The following DNAH5 variants were observed in gnomAD, a reference collection of about 807,000 sequenced individuals.
DNAH5 encodes dynein axonemal heavy chain 5.
Under a neutral mutation model 518.2 loss-of-function variants are expected in DNAH5, and 372 were observed. The observed-to-expected ratio is 0.72, with a 90% CI of 0.66 to 0.78. The LOEUF (loss-of-function observed/expected upper bound fraction) is 0.78, where lower values mean the gene tolerates loss of function less well. Ranked by LOEUF, DNAH5 falls within the 30% of genes least tolerant of loss-of-function variation. The pLI, the probability that DNAH5 is intolerant of heterozygous loss-of-function variation, is 0.00. For synonymous variants in DNAH5, 2,039 were observed against 2,025.9 expected (o/e 1.01, Z -0.17); for missense variants, 5,523 against 5,687.0 (o/e 0.97, Z 0.93).
chr5:13,844,998 A>G lies in DNAH5; in HGVS notation c.5115-5T>C, dbSNP rs4429853. 585,161 of 1,611,676 alleles carry G rather than the reference A, an allele frequency of 0.36. 108,496 individuals are homozygous for G. The highest frequency in any genetic ancestry group is 0.56 in the East Asian group (25,296 of 44,836). On this transcript the variant is annotated splice_polypyrimidine_tract_variant and splice_region_variant and intron_variant, in intron 31 of 78. Coordinates refer to ENST00000265104, the MANE Select transcript of DNAH5 (RefSeq NM_001369.3). ...AGTCGTTTTTTCTCCAAGTACCTAC[A>G]AGGAGAGGAAAAACATAAACCTTTA...
At chr5:13,940,647 T>C (rs1029377798) in intron 1 of DNAH5, among the ~76,000 whole-genome samples, 2 of 152,274 alleles carry the variant, frequency 1.3e-5, no homozygotes, top group Middle Eastern at 3.4e-3. Context: ...GTGATTCTAA[T>C]GTACAGCCCA....
In DNAH5 at chr5:13,777,255, T is replaced by A. The variant is rs375063617; in HGVS notation, c.9052A>T (p.Ile3018Phe). The change falls in exon 54 of 79, where the codon ATT (isoleucine) becomes TTT (phenylalanine). Residue 3018 changes from isoleucine to phenylalanine, a missense_variant. This residue lies in a region of DNAH5 where 5,121 missense variants were observed against 5,223.3 expected (regional missense o/e 0.98). Coordinates refer to ENST00000265104, the MANE Select transcript of DNAH5 (RefSeq NM_001369.3). Reference protein sequence around the residue: ...GITFIFTDNEIKDESFLEYMN... With the variant: ...GITFIFTDNEFKDESFLEYMN... ...TATTCCAAAAATGACTCATCTTTAA[T>A]CTCATTGTCTGTGAAAATAAAAGTG... 8.1e-6 allele frequency: 13 copies of A among 1,613,070 alleles called. No homozygotes were observed. The African/African-American group carries it at 1.1e-4, about 13-fold the overall frequency.
At chr5:13,823,840 G>A (rs753674244) in intron 39 of DNAH5, among the ~76,000 whole-genome samples, 1 of 152,200 alleles carries the variant, frequency 6.6e-6, no homozygotes, top group Non-Finnish European at 1.5e-5. Context: ...ATAATAGTGT[G>A]AAACTATCAC....
intron 25 of DNAH5, among the ~76,000 whole-genome samples, chr5:13,867,012 G>A (rs1322591548): frequency 6.6e-6 from 1 of 152,140 alleles, no homozygotes; most frequent in Non-Finnish European, 1.5e-5. Flanking sequence ...CAAGGACAGC[G>A]CCCGGCAATT....
chr5:13,740,792 C>T (rs1351428068), intron 65 of DNAH5, among the ~76,000 whole-genome samples: 2 of 152,114 alleles, frequency 1.3e-5, no homozygotes, highest in Admixed American at 6.6e-5. Flanking sequence ...TCAGTAAGCC[C>T]CACTGTGACC....
At chr5:13,910,953 G>A (rs1464348645) in intron 12 of DNAH5, among the ~76,000 whole-genome samples, 1 of 152,214 alleles carries the variant, frequency 6.6e-6, no homozygotes, top group Non-Finnish European at 1.5e-5. Flanking sequence ...GTGCTGAGTC[G>A]GTCCTGGCGC....
Position 13,865,729 on chromosome 5 carries a change from T to C in DNAH5, c.4294A>G (p.Ile1432Val), listed in dbSNP as rs756279874. 2 of 1,607,838 alleles carry C rather than the reference T, an allele frequency of 1.2e-6. No individual in the cohort carries two copies. The highest frequency in any genetic ancestry group is 3.3e-5 in the Admixed American group (2 of 60,010). ...VIETVNSYYD[I>V]LWSEVNIEKI... ...TCAATATTCACCTCTGACCAAAGAA[T>C]ATCATAATAGCTATTTACAGTTTCT... Residue 1432 changes from isoleucine to valine, a missense_variant, in exon 27 of 79, where the codon ATT becomes GTT. Physicochemically the swap from Ile to Val is conservative, Grantham distance 29 (BLOSUM62 3). Around this residue, in one of 3 missense-constraint regions of DNAH5, gnomAD observed 5,121 missense variants for 5,223.3 expected, o/e 0.98. Coordinates refer to ENST00000265104, the MANE Select transcript of DNAH5 (RefSeq NM_001369.3).
rs369985677 is a variant in DNAH5, at chr5:14,007,151, T to C, written c.12+4497A>G. On this transcript the variant is annotated intron_variant, in intron 1 of 78. Coordinates refer to the DNAH5 transcript ENST00000681290. Reference sequence around the variant, plus strand: ...ACAGTTCCTGATACTTAGTTGATCTTCCTTTGGGGAACATTGCTAGAGTCA... The same window carrying C: ...ACAGTTCCTGATACTTAGTTGATCTCCCTTTGGGGAACATTGCTAGAGTCA... 2.4e-4 allele frequency among the ~76,000 whole-genome samples: 36 copies of C among 152,342 alleles called. No individual in the cohort carries two copies. The East Asian group carries it at 6.6e-3, about 28-fold the overall frequency.
intron 1 of DNAH5, among the ~76,000 whole-genome samples, chr5:14,005,424 T>C (rs904139358): frequency 6.6e-6 from 1 of 152,140 alleles, no homozygotes; most frequent in Non-Finnish European, 1.5e-5. Flanking sequence ...ATCCTCAACA[T>C]CACAGGAACA....
chr5:13,780,592 T>TA (rs1754950955), intron 53 of DNAH5, among the ~76,000 whole-genome samples: 1 of 152,186 alleles, frequency 6.6e-6, no homozygotes, highest in South Asian at 2.1e-4. Flanking sequence ...ATATATAACA[T>TA]AAAAGTAGGG....
intron 1 of DNAH5, among the ~76,000 whole-genome samples, chr5:13,959,832 T>A (rs951397433): frequency 1.3e-5 from 2 of 152,088 alleles, no homozygotes; most frequent in African/African-American, 4.8e-5. Flanking sequence ...CCAGGCGTGG[T>A]GACACATGCC....
intron 30 of DNAH5, among the ~76,000 whole-genome samples, chr5:13,856,725 CAT>C (rs1440551452): frequency 6.6e-6 from 1 of 151,582 alleles, no homozygotes; most frequent in Admixed American, 6.6e-5. Context: ...TGCAAATAAA[CAT>C]AATACCTCAC....
chr5:13,701,169 G>A, intron 77 of DNAH5, 115 bp downstream of exon 77: 1 of 1,424,640 alleles, frequency 7.0e-7, no homozygotes, highest in Non-Finnish European at 9.9e-7. Context: ...GTAACTGCTA[G>A]TACCAAAAAG....
At chr5:13,892,928 T>C (rs1259307489) in intron 16 of DNAH5, among the ~76,000 whole-genome samples, 2 of 152,226 alleles carry the variant, frequency 1.3e-5, no homozygotes, top group African/African-American at 4.8e-5. Flanking sequence ...TCTGGCTTGA[T>C]ATTCATTCAT....
intron 15 of DNAH5, 139 bp downstream of exon 15, chr5:13,900,067 C>T (rs917020497): frequency 3.9e-6 from 3 of 765,422 alleles, no homozygotes; most frequent in Admixed American, 2.5e-5. Context: ...TCTGCAGCTG[C>T]ACCCCATGGC....
intron 61 of DNAH5, among the ~76,000 whole-genome samples, chr5:13,756,126 A>G (rs562028552): frequency 1.3e-5 from 2 of 152,288 alleles, no homozygotes; most frequent in African/African-American, 4.8e-5. Context: ...GCTGAACCCT[A>G]GGCAAAGGCA....
chr5:13,848,500 T>C (rs1561423306), intron 31 of DNAH5, among the ~76,000 whole-genome samples: 1 of 152,198 alleles, frequency 6.6e-6, no homozygotes, highest in Non-Finnish European at 1.5e-5. Flanking sequence ...TCTATTATTA[T>C]TGTGCACTTA....
At chr5:13,927,969 A>G in intron 3 of DNAH5, 125 bp downstream of exon 3, 1 of 749,284 alleles carries the variant, frequency 1.3e-6, no homozygotes, top group Non-Finnish European at 2.3e-6. Context: ...ATGGACCCAC[A>G]CACGCATCTC....
chr5:13,994,599 G>C (rs995239549), intron 1 of DNAH5, among the ~76,000 whole-genome samples: 1 of 152,104 alleles, frequency 6.6e-6, no homozygotes, highest in African/African-American at 2.4e-5. Flanking sequence ...AGAAAATAAG[G>C]TTATCTCATT....
Sources: gnomAD v4.1 joint callset for allele counts (sites outside exome capture counted in the v4.1 genomes callset) on GRCh38, gnomAD v4.1.1 for gene constraint, gnomAD v4.1.1 regional missense constraint, MANE v1.5 for transcripts, NCBI Gene and HGNC (gene_info 2026-07-23, HGNC 2026-07-21) for gene names.